The following KCNIP4 variants were observed in gnomAD, a reference collection of about 807,000 sequenced individuals.
The protein encoded by KCNIP4 is Kv channel-interacting protein 4.
In KCNIP4, 12 loss-of-function variants were observed where a neutral mutation model predicts 34.0. The ratio of observed to expected loss-of-function variants is 0.35; its 90% confidence interval spans 0.23 to 0.57. KCNIP4 has a LOEUF of 0.57. Ranked by LOEUF, KCNIP4 falls within the 20% of genes least tolerant of loss-of-function variation. KCNIP4 has a pLI of 0.83. For missense variants in KCNIP4, 238 were observed against 311.7 expected (o/e 0.76, Z 1.78); for synonymous variants, 124 against 102.2 (o/e 1.21, Z -1.29).
chr4:21,464,663 T>C (rs945985711), intron 1 of KCNIP4: 5 of 152,070 alleles, frequency 3.3e-5, no homozygotes, highest in Non-Finnish European at 7.4e-5. Flanking sequence ...TATTCTGCTG[T>C]TTTTTTCTAT....
In KCNIP4 at chr4:21,619,721, C is replaced by A. The variant is rs930800782; in HGVS notation, c.61+328850G>T. ...TCATCATCTATTCAGTAACTAAGCA[C>A]CTGCTATGAACCAGGACTTTAGCTG... On this transcript the variant is annotated intron_variant, in intron 1 of 8. Transcript: ENST00000382152. Among the ~76,000 whole-genome samples, 120 of 152,318 alleles carry A rather than the reference C, an allele frequency of 7.9e-4. 1 individual carries two copies. Among genetic ancestry groups the A allele is most frequent in the Middle Eastern group, 3.4e-3 (1 of 294 alleles).
chr4:21,554,109 A>T (rs28691074), intron 1 of KCNIP4, among the ~76,000 whole-genome samples: 6,255 of 152,200 alleles, frequency 0.041, 425 homozygotes, highest in African/African-American at 0.14. Context: ...TGAGTGGAGG[A>T]TGCTCTTTGG....
At chr4:21,497,992 A>G (rs1035343000) in intron 1 of KCNIP4, among the ~76,000 whole-genome samples, 1 of 152,190 alleles carries the variant, frequency 6.6e-6, no homozygotes, top group Admixed American at 6.5e-5. Context: ...ATGTTGGTAC[A>G]GAGCAACATC....
At chr4:21,172,223 G>T (rs907193987) in intron 1 of KCNIP4, among the ~76,000 whole-genome samples, 1 of 151,936 alleles carries the variant, frequency 6.6e-6, no homozygotes, top group African/African-American at 2.4e-5. Flanking sequence ...GTAGAGAAGG[G>T]GTTTCACCAC....
intron 1 of KCNIP4, among the ~76,000 whole-genome samples, chr4:20,895,775 G>A (rs1226507447): frequency 2.0e-5 from 3 of 152,200 alleles, no homozygotes; most frequent in African/African-American, 7.2e-5. Flanking sequence ...GGCCATGATT[G>A]CTCATTAGAA....
intron 1 of KCNIP4, among the ~76,000 whole-genome samples, chr4:21,448,305 T>C (rs1728210140): frequency 6.6e-6 from 1 of 152,144 alleles, no homozygotes; most frequent in African/African-American, 2.4e-5. Context: ...AAACTGATTG[T>C]TGGTAGAAAT....
At chr4:21,734,281 C>T (rs1228283849) in intron 1 of KCNIP4, among the ~76,000 whole-genome samples, 1 of 152,068 alleles carries the variant, frequency 6.6e-6, no homozygotes, top group Non-Finnish European at 1.5e-5. Context: ...CCTTGAAGTG[C>T]TATTTCAGTG....
At chr4:20,848,783 T>C (rs1231717884) in intron 3 of KCNIP4, among the ~76,000 whole-genome samples, 2 of 152,150 alleles carry the variant, frequency 1.3e-5, no homozygotes, top group Admixed American at 6.6e-5. Flanking sequence ...ATTCTGTATC[T>C]GATGTACAAT....
At chr4:21,364,272 T>C (rs1009311390) in intron 1 of KCNIP4, among the ~76,000 whole-genome samples, 1 of 152,150 alleles carries the variant, frequency 6.6e-6, no homozygotes, top group African/African-American at 2.4e-5. Flanking sequence ...ATCCAAACCA[T>C]ATATTTATTG....
chr4:21,913,638 T>C (rs1180608078), intron 1 of KCNIP4, among the ~76,000 whole-genome samples: 4 of 152,196 alleles, frequency 2.6e-5, no homozygotes, highest in Admixed American at 2.6e-4. Context: ...GATTTGGCAC[T>C]GAATAAGCAA....
At chr4:20,743,661 AAAACCCTAGAAG>A (rs1751715057) in intron 5 of KCNIP4, among the ~76,000 whole-genome samples, 1 of 152,212 alleles carries the variant, frequency 6.6e-6, no homozygotes, top group South Asian at 2.1e-4. Context: ...TAAAACCATA[AAAACCCTAGAAG>A]AAAACCTAGG....
chr4:21,425,346 C>T (rs1334296126), intron 1 of KCNIP4, among the ~76,000 whole-genome samples: 2 of 152,072 alleles, frequency 1.3e-5, no homozygotes, highest in Admixed American at 1.3e-4. Flanking sequence ...TGTTAGGGGA[C>T]AACTAAAACT....
intron 1 of KCNIP4, among the ~76,000 whole-genome samples, chr4:21,345,967 G>GCA (rs1453796202): frequency 6.7e-6 from 1 of 149,382 alleles, no homozygotes; most frequent in African/African-American, 2.5e-5. Context: ...GGGGGCCTGG[G>GCA]TAGAGGTCCA....
intron 1 of KCNIP4, among the ~76,000 whole-genome samples, chr4:21,056,153 A>G (rs1428102084): frequency 6.6e-6 from 1 of 152,148 alleles, no homozygotes; most frequent in Non-Finnish European, 1.5e-5. Flanking sequence ...CAAAACGTAC[A>G]TTTGTTGATA....
At chr4:21,275,705 C>T (rs565677315) in intron 1 of KCNIP4, among the ~76,000 whole-genome samples, 52 of 152,276 alleles carry the variant, frequency 3.4e-4, no homozygotes, top group African/African-American at 1.3e-3. Context: ...TTGCTATTTT[C>T]ACCATTCCCC....
chr4:20,822,752 G>A (rs1717264379), intron 3 of KCNIP4, among the ~76,000 whole-genome samples: 1 of 152,106 alleles, frequency 6.6e-6, no homozygotes, highest in Non-Finnish European at 1.5e-5. Flanking sequence ...ATTATTGTTT[G>A]AATATATATG....
At chr4:21,347,414 T>C (rs1182154834) in intron 1 of KCNIP4, among the ~76,000 whole-genome samples, 1 of 152,172 alleles carries the variant, frequency 6.6e-6, no homozygotes, top group Non-Finnish European at 1.5e-5. Context: ...AATTACTCTG[T>C]CTGCTCTCTT....
At chr4:21,816,806 C>A (rs1722015677) in intron 1 of KCNIP4, among the ~76,000 whole-genome samples, 1 of 152,118 alleles carries the variant, frequency 6.6e-6, no homozygotes, top group Non-Finnish European at 1.5e-5. Context: ...CATTGTGAAG[C>A]TGCCCAATCT....
chr4:21,708,433 T>C (rs948125987), intron 1 of KCNIP4, among the ~76,000 whole-genome samples: 1 of 152,118 alleles, frequency 6.6e-6, no homozygotes, highest in African/African-American at 2.4e-5. Context: ...GTCTTACAGA[T>C]TTGATATCTC....
Sources: gnomAD v4.1 joint callset for allele counts (sites outside exome capture counted in the v4.1 genomes callset) on GRCh38, gnomAD v4.1.1 for gene constraint, MANE v1.5 for transcripts, NCBI Gene and HGNC (gene_info 2026-07-23, HGNC 2026-07-21) for gene names.